The following HHIP variants were observed in gnomAD, a reference collection of about 807,000 sequenced individuals.
HHIP encodes the protein hedgehog interacting protein.
In HHIP, 12 loss-of-function variants were observed where a neutral mutation model predicts 74.0. The ratio of observed to expected loss-of-function variants is 0.16; its 90% confidence interval spans 0.10 to 0.26. The LOEUF is 0.26. Among genes scored for constraint, HHIP ranks in the 10% least tolerant of loss-of-function variants. The probability of loss-of-function intolerance (pLI) is 1.00; values close to 1 mark genes in which losing one functional copy is unlikely to be tolerated. For synonymous variants in HHIP, 309 were observed against 311.6 expected (o/e 0.99, Z 0.09); for missense variants, 788 against 845.0 (o/e 0.93, Z 0.84).
intron 11 of HHIP, among the ~76,000 whole-genome samples, chr4:144,731,698 G>A (rs1413372990): frequency 6.6e-6 from 1 of 152,172 alleles, no homozygotes; most frequent in Non-Finnish European, 1.5e-5. Context: ...GGGATTACAG[G>A]TGTGAGCCAC....
chr4:144,698,435 T>C (rs1251891958), intron 4 of HHIP, among the ~76,000 whole-genome samples: 1 of 152,132 alleles, frequency 6.6e-6, no homozygotes, highest in East Asian at 1.9e-4. Context: ...GTCAGTAAAG[T>C]AACATGCTAC....
chr4:144,680,289 A>G (rs529884586), intron 4 of HHIP, among the ~76,000 whole-genome samples: 1 of 152,316 alleles, frequency 6.6e-6, no homozygotes, highest in East Asian at 1.9e-4. Context: ...TCTAAAAGCA[A>G]TGTTTAATTT....
chr4:144,705,934 A>C (rs1730120443), intron 4 of HHIP, among the ~76,000 whole-genome samples: 1 of 152,178 alleles, frequency 6.6e-6, no homozygotes, highest in African/African-American at 2.4e-5. Context: ...GATTCATGTA[A>C]AACTGCCTCA....
Position 144,738,045 on chromosome 4 carries a change from A to T in HHIP, c.*88A>T. 7.0e-7 allele frequency: 1 copy of T among 1,420,866 alleles called. No homozygotes were observed. The highest frequency in any genetic ancestry group is 9.2e-7 in the Non-Finnish European group (1 of 1,090,214). The allele number at this position is 1,420,866 out of a possible 1,614,324, so 88.0% of individuals were successfully genotyped here. ...AAAAAAGACTGTTATCCTGCTACAC[A>T]CTCCTGTGATTTCATTCTCTTTTAT... On this transcript the variant is annotated 3_prime_UTR_variant, in exon 13 of 13. Transcript: ENST00000296575.
intron 4 of HHIP, among the ~76,000 whole-genome samples, chr4:144,675,844 T>A (rs1257330075): frequency 6.6e-6 from 1 of 152,216 alleles, no homozygotes; most frequent in Admixed American, 6.5e-5. Flanking sequence ...CCATAATCTC[T>A]TTGGTTTATA....
At chr4:144,654,298 C>T (rs753401698) in intron 2 of HHIP, among the ~76,000 whole-genome samples, 15 of 152,070 alleles carry the variant, frequency 9.9e-5, no homozygotes, top group South Asian at 4.1e-4. Flanking sequence ...TATGTGGTGA[C>T]GAATGACAAA....
rs1465183777 is a variant in HHIP, at chr4:144,650,010, T to G, written c.280-2595T>G. Among the ~76,000 whole-genome samples the G allele has an allele frequency of 2.0e-5, 3 of 152,148 alleles. No homozygotes were observed. In the East Asian group the frequency reaches 5.8e-4, roughly 29 times the overall value. ...AGGCATATGATTTTTAGAAATAACT[T>G]TTTGTGTACCAAGTGATCTTAAGGC... is the stretch of plus-strand genomic sequence containing the variant. On this transcript the variant is annotated intron_variant, in intron 1 of 12. Coordinates refer to ENST00000296575, the MANE Select transcript of HHIP (RefSeq NM_022475.3).
At chr4:144,667,624 T>C (rs1453007837) in intron 4 of HHIP, among the ~76,000 whole-genome samples, 3 of 152,150 alleles carry the variant, frequency 2.0e-5, no homozygotes, top group Non-Finnish European at 4.4e-5. Context: ...AGTCCCCAGC[T>C]CTGGAGTTTC....
intron 9 of HHIP, among the ~76,000 whole-genome samples, 185 bp downstream of exon 9, chr4:144,714,533 T>C (rs1021684673): frequency 4.6e-5 from 7 of 152,172 alleles, no homozygotes; most frequent in Non-Finnish European, 8.8e-5. Flanking sequence ...TCCAAAAAGA[T>C]GCTCTCTCAA....
chr4:144,681,755 A>G (rs1267664502), intron 4 of HHIP, among the ~76,000 whole-genome samples: 5 of 152,226 alleles, frequency 3.3e-5, no homozygotes, highest in Admixed American at 3.3e-4. Flanking sequence ...TCACAGCAGC[A>G]TGCTTTAGCA....
rs1415796353 is a variant in HHIP at position 144,646,456 on chromosome 4, G to C, written c.-220G>C. On this transcript the variant is annotated 5_prime_UTR_variant, in exon 1 of 13. Transcript: ENST00000296575. ...GGTGTCATCCGCACAACTTTATCTC[G>C]CTCCTCGGGCTCCCCTAAGGCATTG... 2 of 493,094 alleles carry C rather than the reference G, an allele frequency of 4.1e-6. No individual in the cohort carries two copies. The highest frequency in any genetic ancestry group is 7.2e-6 in the Non-Finnish European group (2 of 278,200). 30.5% of individuals were successfully genotyped at this position (493,094 alleles called of 1,614,324 possible).
At chr4:144,682,479 ATGGG>A (rs1265395550) in intron 4 of HHIP, among the ~76,000 whole-genome samples, 3 of 152,218 alleles carry the variant, frequency 2.0e-5, no homozygotes, top group Non-Finnish European at 4.4e-5. Context: ...ACTGTAATAT[ATGGG>A]AAATCTCTAT....
chr4:144,661,998 T>A lies in HHIP; in HGVS notation c.831+2160T>A, dbSNP rs547550071. 6.6e-5 allele frequency among the ~76,000 whole-genome samples: 10 copies of A among 152,262 alleles called. No homozygotes were observed. The South Asian group carries it at 2.1e-3, about 32-fold the overall frequency. ...AAACCCAACCTCCACACGTTTGAAA[T>A]TGAGAATAATACAAACCACATTGCA... On this transcript the variant is annotated intron_variant, in intron 4 of 12. Transcript: ENST00000296575.
At chr4:144,726,717 G>A (rs1248550026) in intron 11 of HHIP, among the ~76,000 whole-genome samples, 1 of 152,134 alleles carries the variant, frequency 6.6e-6, no homozygotes, top group African/African-American at 2.4e-5. Flanking sequence ...AGAATTATAA[G>A]GAAAGGAACA....
chr4:144,706,408 A>G (rs1578712343), intron 4 of HHIP, 123 bp from the exon 5 acceptor site: 2 of 755,736 alleles, frequency 2.6e-6, no homozygotes, highest in Non-Finnish European at 4.1e-6. Context: ...CAAGGAAGAA[A>G]AGAAAGGAGG....
At chr4:144,647,171 G>A (rs1202302381) in intron 1 of HHIP, 16 of 498,786 alleles carry the variant, frequency 3.2e-5, no homozygotes, top group Non-Finnish European at 5.3e-5. Context: ...GGGATGCTGT[G>A]CAAACTTGCC....
chr4:144,701,368 C>T (rs1240703195), intron 4 of HHIP, among the ~76,000 whole-genome samples: 1 of 149,912 alleles, frequency 6.7e-6, no homozygotes, highest in Non-Finnish European at 1.5e-5. Flanking sequence ...AGCTCAGGTG[C>T]CAATATATAA....
chr4:144,722,772 T>G (rs547974399), intron 11 of HHIP, among the ~76,000 whole-genome samples: 1 of 152,168 alleles, frequency 6.6e-6, no homozygotes, highest in East Asian at 1.9e-4. Context: ...GATAATCACT[T>G]GAATCCAGGA....
At chr4:144,677,729 C>T (rs1729209848) in intron 4 of HHIP, among the ~76,000 whole-genome samples, 1 of 152,208 alleles carries the variant, frequency 6.6e-6, no homozygotes, top group Non-Finnish European at 1.5e-5. Context: ...TCCTGCCTGA[C>T]ATTCTCCCTG....
Sources: gnomAD v4.1 joint callset for allele counts (sites outside exome capture counted in the v4.1 genomes callset) on GRCh38, gnomAD v4.1.1 for gene constraint, MANE v1.5 for transcripts, NCBI Gene and HGNC (gene_info 2026-07-23, HGNC 2026-07-21) for gene names.